Variants in CERKL observed in about 807,000 individuals in gnomAD.
CERKL encodes CERK like autophagy regulator.
A neutral mutation model predicts 63.4 loss-of-function variants in CERKL; 61 were observed. That is an observed-to-expected ratio of 0.96 (90% CI 0.78 to 1.19). The LOEUF (loss-of-function observed/expected upper bound fraction) is 1.19, where lower values mean the gene tolerates loss of function less well. Among genes scored for constraint, CERKL ranks in the 50% most tolerant of loss-of-function variants. The probability of loss-of-function intolerance (pLI) is 0.00; values close to 1 mark genes in which losing one functional copy is unlikely to be tolerated. For missense variants in CERKL, 675 were observed against 655.5 expected, an observed-to-expected ratio of 1.03 and a Z score of -0.33; for synonymous variants, 250 against 230.5, an observed-to-expected ratio of 1.08 and a Z score of -0.77.
At chr2:181,549,840 A>G in intron 5 of CERKL, 132 bp from the exon 6 acceptor site, 1 of 711,538 alleles carries the variant, frequency 1.4e-6, no homozygotes, top group South Asian at 1.6e-5. Context: ...AAATCAGGAA[A>G]GTTAATGTGA....
At chr2:181,618,439 CAG>C (rs1437815387) in intron 1 of CERKL, among the ~76,000 whole-genome samples, 3 of 151,498 alleles carry the variant, frequency 2.0e-5, no homozygotes, top group Non-Finnish European at 4.4e-5. Context: ...TTTTTTGAGA[CAG>C]AGTCTCACTC....
chr2:181,564,738 C>T (rs1014863893), intron 4 of CERKL, among the ~76,000 whole-genome samples: 1 of 152,128 alleles, frequency 6.6e-6, no homozygotes, highest in South Asian at 2.1e-4. Context: ...GAAGCAGGTA[C>T]TCATTTGCAA....
chr2:181,635,842 A>G lies in CERKL; in HGVS notation c.238+20927T>C, dbSNP rs150635755. Among the ~76,000 whole-genome samples, 3 of 152,350 alleles carry G rather than the reference A, an allele frequency of 2.0e-5. No individual in the cohort carries two copies. The East Asian group carries it at 5.8e-4, about 29-fold the overall frequency. ...CACAGATAAAAACTGACATCTTTAC[A>G]AATGACTATTTCACTGACTTTTTAC... On this transcript the variant is annotated intron_variant, in intron 1 of 12. Coordinates refer to ENST00000410087, the MANE Select transcript of CERKL (RefSeq NM_201548.5).
intron 1 of CERKL, among the ~76,000 whole-genome samples, chr2:181,629,741 C>A (rs896063433): frequency 6.6e-6 from 1 of 151,068 alleles, no homozygotes; most frequent in African/African-American, 2.4e-5. Flanking sequence ...TCTTTGAGGG[C>A]TACTATTTCT....
intron 2 of CERKL, among the ~76,000 whole-genome samples, chr2:181,584,976 T>C (rs1684698363): frequency 6.6e-6 from 1 of 151,692 alleles, no homozygotes; most frequent in East Asian, 2.0e-4. Context: ...CTTTGCACTT[T>C]TCGTTTCCTC....
At chr2:181,599,329 A>G (rs1042390113) in intron 2 of CERKL, among the ~76,000 whole-genome samples, 1 of 152,138 alleles carries the variant, frequency 6.6e-6, no homozygotes, top group African/African-American at 2.4e-5. Flanking sequence ...TGAGTTCAGG[A>G]GTTCGAGACC....
intron 4 of CERKL, among the ~76,000 whole-genome samples, chr2:181,559,190 A>G (rs1688331704): frequency 6.6e-6 from 1 of 152,194 alleles, no homozygotes; most frequent in Admixed American, 6.6e-5. Context: ...TATCATTACT[A>G]TATGAATGTA....
At chr2:181,563,369 T>C (rs1466175062) in intron 4 of CERKL, among the ~76,000 whole-genome samples, 1 of 152,154 alleles carries the variant, frequency 6.6e-6, no homozygotes, top group African/African-American at 2.4e-5. Context: ...TCTTAGGAAA[T>C]AGCATTTCTT....
At chr2:181,647,871 A>G (rs1471323300) in intron 1 of CERKL, among the ~76,000 whole-genome samples, 1 of 152,218 alleles carries the variant, frequency 6.6e-6, no homozygotes, top group Non-Finnish European at 1.5e-5. Flanking sequence ...CAGGAAAGTT[A>G]TAAAATGAGA....
At chr2:181,614,583 T>A (rs1276086994) in intron 1 of CERKL, among the ~76,000 whole-genome samples, 1 of 152,220 alleles carries the variant, frequency 6.6e-6, no homozygotes, top group Admixed American at 6.5e-5. Flanking sequence ...TTACATCTTT[T>A]ATGTCTGCTT....
intron 2 of CERKL, among the ~76,000 whole-genome samples, chr2:181,595,937 A>C (rs1486459481): frequency 6.6e-6 from 1 of 152,218 alleles, no homozygotes; most frequent in East Asian, 1.9e-4. Flanking sequence ...CTTAATAAAC[A>C]TCAGCTATTA....
chr2:181,645,279 T>G (rs1035407759), intron 1 of CERKL, among the ~76,000 whole-genome samples: 4 of 152,204 alleles, frequency 2.6e-5, no homozygotes, highest in African/African-American at 9.7e-5. Flanking sequence ...CACCAAGTTA[T>G]AATAGAATAG....
chr2:181,604,183 A>T, intron 1 of CERKL, 104 bp from the exon 2 acceptor site: 4 of 904,570 alleles, frequency 4.4e-6, no homozygotes, highest in Non-Finnish European at 6.8e-6. Context: ...AAGGGAGAGG[A>T]TCAAGAAAAA....
intron 5 of CERKL, among the ~76,000 whole-genome samples, chr2:181,551,126 T>C (rs994183087): frequency 6.6e-6 from 1 of 152,108 alleles, no homozygotes; most frequent in Non-Finnish European, 1.5e-5. Context: ...GAGAAAGAAA[T>C]AAAAGGCTTG....
intron 2 of CERKL, among the ~76,000 whole-genome samples, chr2:181,592,281 T>C (rs1011029455): frequency 2.0e-5 from 3 of 152,154 alleles, no homozygotes; most frequent in Admixed American, 6.6e-5. Context: ...AGCTCTAAAA[T>C]TGCCAGATCA....
chr2:181,545,694 A>T (rs753581712), intron 10 of CERKL, among the ~76,000 whole-genome samples: 4 of 152,142 alleles, frequency 2.6e-5, no homozygotes, highest in Non-Finnish European at 5.9e-5. Context: ...CAGCACCAAT[A>T]CTCCAGGTGC....
intron 2 of CERKL, among the ~76,000 whole-genome samples, chr2:181,581,973 T>C (rs1684532885): frequency 6.6e-6 from 1 of 152,236 alleles, no homozygotes; most frequent in African/African-American, 2.4e-5. Context: ...ACCTATTTCC[T>C]CCTCTGAATG....
chr2:181,565,898 A>G (rs749695286), intron 4 of CERKL, among the ~76,000 whole-genome samples, 160 bp downstream of exon 4: 25 of 152,166 alleles, frequency 1.6e-4, no homozygotes, highest in Non-Finnish European at 3.2e-4. Context: ...ACCATGTCAT[A>G]TTATCATTAA....
Position 181,536,771 on chromosome 2 carries a change from C to G in CERKL, c.*1413G>C. On this transcript the variant is annotated 3_prime_UTR_variant, in exon 13 of 13. Coordinates refer to ENST00000410087, the MANE Select transcript of CERKL (RefSeq NM_201548.5). ...TTTAAAAAATTTCTTTAAATACAAT[C>G]ATTTTTGTAATATTTATTTTATGCT... is the stretch of plus-strand genomic sequence containing the variant. The G allele has an allele frequency of 4.1e-6, 1 of 243,496 alleles. No individual in the cohort carries two copies. Among genetic ancestry groups the G allele is most frequent in the Non-Finnish European group, 8.3e-6 (1 of 120,578 alleles). 15.1% of individuals were successfully genotyped at this position (243,496 alleles called of 1,614,324 possible).
Sources: gnomAD v4.1 joint callset for allele counts (sites outside exome capture counted in the v4.1 genomes callset) on GRCh38, gnomAD v4.1.1 for gene constraint, MANE v1.5 for transcripts, NCBI Gene and HGNC (gene_info 2026-07-23, HGNC 2026-07-21) for gene names.